KNTC1: variants seen among roughly 807,000 people sequenced by gnomAD.
The protein encoded by KNTC1 is kinetochore-associated protein 1.
In KNTC1, 253 loss-of-function variants were observed where a neutral mutation model predicts 314.4. The observed-to-expected ratio is 0.80, with a 90% confidence interval of 0.73 to 0.89. The LOEUF (loss-of-function observed/expected upper bound fraction) is 0.89. Among genes scored for constraint, KNTC1 ranks in the 40% least tolerant of loss-of-function variants. The pLI is 0.00. For missense variants in KNTC1, 2,475 were observed against 2,572.9 expected (o/e 0.96, Z 0.82); for synonymous variants, 901 against 901.4 (o/e 1.00, Z 0.01).
chr12:122,617,138 TA>T (rs1566020213), intron 57 of KNTC1, among the ~76,000 whole-genome samples: 1 of 152,236 alleles, frequency 6.6e-6, no homozygotes, highest in Non-Finnish European at 1.5e-5. Flanking sequence ...TTTGAGTTTC[TA>T]TTTTTGGTCA....
At chr12:122,544,844 A>G (rs1593502410) in intron 8 of KNTC1, among the ~76,000 whole-genome samples, 1 of 152,224 alleles carries the variant, frequency 6.6e-6, no homozygotes, top group East Asian at 1.9e-4. Context: ...GAATCTTGAA[A>G]TAATTCAGGT....
intron 32 of KNTC1, 69 bp from the exon 33 acceptor site, chr12:122,580,534 C>G (rs1965340226): frequency 3.1e-6 from 3 of 971,522 alleles, no homozygotes; most frequent in Non-Finnish European, 4.7e-6. Flanking sequence ...ATTAAAATTT[C>G]TTCTTTTTAA....
At chr12:122,619,471 GGCGCCATCTCGGCTCACTGTAAGC>G (rs1874167933) in intron 59 of KNTC1, among the ~76,000 whole-genome samples, 5 of 151,874 alleles carry the variant, frequency 3.3e-5, no homozygotes, top group Non-Finnish European at 5.9e-5. Flanking sequence ...GGAGTGCAGT[GGCGCCATCTCGGCTCACTGTAAGC>G]CCTGCTTCCC....
At chr12:122,602,455 G>C (rs1269710680) in intron 45 of KNTC1, 114 bp from the exon 46 acceptor site, 10 of 636,408 alleles carry the variant, frequency 1.6e-5, no homozygotes. Flanking sequence ...TCCTCTTTCT[G>C]AAAACAAGAT....
At chr12:122,620,168 CAAA>C (rs10719316) in intron 59 of KNTC1, 190 of 99,336 alleles carry the variant, frequency 1.9e-3, no homozygotes, top group South Asian at 5.2e-3. Context: ...GACTGTTTCT[CAAA>C]AAAAAAAAAA....
At position 122,530,081 on chromosome 12, in the gene KNTC1, G is replaced by A. The variant is rs574708956; in HGVS notation, c.18G>A (p.Glu6=). ...TCAGAAACATGTGGAATGATATTGAGCTGCTAACAAATGATGATACCGGAA... is the reference window on the plus strand; with the variant it reads ...TCAGAAACATGTGGAATGATATTGAACTGCTAACAAATGATGATACCGGAA... MWNDI[E]LLTNDDTGSG... Residue 6 remains glutamate (E), a synonymous_variant, in exon 2 of 64, where the codon GAG becomes GAA. Coordinates refer to ENST00000333479, the MANE Select transcript of KNTC1 (RefSeq NM_014708.6). The A allele has an allele frequency of 2.9e-5, 47 of 1,613,756 alleles. 1 individual carries two copies. The South Asian group carries it at 4.4e-4, about 15-fold the overall frequency.
rs1429831632 is a variant in KNTC1 at position 122,575,836 on chromosome 12, G to C, written c.2523G>C (p.Glu841Asp). ...KLLQESYKLM[E>D]MKKLLRGYGI... is the part of the protein sequence containing the mutation. ...TACAGGAAAGTTACAAACTAATGGA[G>C]ATGAAAAAACTTTTACGAGGCTATG... The change falls in exon 29 of 64, where the codon GAG becomes GAC. Residue 841 changes from glutamate (E) to aspartate (D), a missense_variant. Physicochemically the swap from Glu to Asp is conservative, Grantham distance 45. Coordinates refer to ENST00000333479, the MANE Select transcript of KNTC1 (RefSeq NM_014708.6). The C allele has an allele frequency of 6.2e-7, 1 of 1,613,240 alleles. No homozygotes were observed. The highest frequency in any genetic ancestry group is 1.1e-5 in the South Asian group (1 of 90,846).
intron 38 of KNTC1, among the ~76,000 whole-genome samples, chr12:122,587,265 G>C (rs1869486887): frequency 6.6e-6 from 1 of 152,126 alleles, no homozygotes; most frequent in African/African-American, 2.4e-5. Flanking sequence ...GGCAACAGAA[G>C]ACCCTATCTC....
chr12:122,583,306 A>T (rs1023175632), intron 34 of KNTC1, among the ~76,000 whole-genome samples: 3 of 152,116 alleles, frequency 2.0e-5, no homozygotes, highest in African/African-American at 7.2e-5. Context: ...AAAAAGAAAG[A>T]AAGTAACAAC....
At position 122,552,911 on chromosome 12, in the gene KNTC1, G is replaced by T. The variant is rs1297555148; in HGVS notation, c.1272+1215G>T. Among the ~76,000 whole-genome samples, 8 of 152,250 alleles carry T rather than the reference G, an allele frequency of 5.3e-5. No individual in the cohort carries two copies. In the East Asian group the frequency reaches 1.4e-3, roughly 26 times the overall value. On this transcript the variant is annotated intron_variant, in intron 16 of 63. Coordinates refer to ENST00000333479, the MANE Select transcript of KNTC1 (RefSeq NM_014708.6). ...CTCACTCCTTTAATTCCAGCACTTTGGGAGACAGAGACAGGCAGATAACCT... is the reference window on the plus strand; with the variant it reads ...CTCACTCCTTTAATTCCAGCACTTTTGGAGACAGAGACAGGCAGATAACCT...
intron 13 of KNTC1, 135 bp downstream of exon 13, chr12:122,549,999 G>A: frequency 5.5e-6 from 3 of 545,388 alleles, no homozygotes; most frequent in Non-Finnish European, 6.5e-6. Context: ...ATAAATTTCA[G>A]GTTTATAACT....
intron 10 of KNTC1, among the ~76,000 whole-genome samples, 185 bp from the exon 11 acceptor site, chr12:122,547,230 C>G (rs987476923): frequency 6.6e-6 from 1 of 151,716 alleles, no homozygotes; most frequent in Admixed American, 6.6e-5. Flanking sequence ...AAAAAATTAG[C>G]TGGGCGTGGT....
In KNTC1 at chr12:122,557,698, G is replaced by GT. The variant is rs751913953; in HGVS notation, c.1488+16dup. The GT allele has an allele frequency of 3.9e-5, 63 of 1,604,784 alleles. 1 individual carries two copies. Among genetic ancestry groups the GT allele is most frequent in the African/African-American group, 1.1e-4 (8 of 74,674 alleles). On this transcript the variant is annotated intron_variant, in intron 18 of 63. Transcript: ENST00000333479. ...ATTATGCCAAAACCAGGGTAGGTTC[G>GT]TTTTTTTGTATTTTGTTTTTTTGGG... is the stretch of plus-strand genomic sequence containing the variant.
chr12:122,572,958 G>C lies in KNTC1; in HGVS notation c.2041G>C (p.Glu681Gln), dbSNP rs754835336. 3 of 1,593,344 alleles carry C rather than the reference G, an allele frequency of 1.9e-6. No individual in the cohort carries two copies. The East Asian group carries it at 6.7e-5, about 36-fold the overall frequency. The stretch of plus-strand genomic sequence containing the variant: ...TTAGAAAGATTATCAGAACACAGAG[G>C]AAGTATGTCAGCTAAGGACTTTGGT... ...ISLKDYQNTE[E>Q]VCQLRTLVNN... Residue 681 changes from glutamate to glutamine, a missense_variant, in exon 25 of 64, where the codon GAA (glutamate) becomes CAA (glutamine). Transcript: ENST00000333479.
At chr12:122,562,816 C>T (rs777436808) in intron 20 of KNTC1, 117 bp downstream of exon 20, 9 of 611,516 alleles carry the variant, frequency 1.5e-5, no homozygotes, top group Non-Finnish European at 2.4e-5. Context: ...TCGAGACCAG[C>T]CTGGCCAACA....
chr12:122,546,304 A>G (rs1416732252), intron 9 of KNTC1, 35 bp downstream of exon 9: 2 of 1,259,294 alleles, frequency 1.6e-6, no homozygotes, highest in East Asian at 2.3e-5. Flanking sequence ...TTAGACAATT[A>G]TTAGTGAGTT....
intron 5 of KNTC1, 89 bp from the exon 6 acceptor site, chr12:122,541,961 G>T: frequency 7.7e-7 from 1 of 1,300,222 alleles, no homozygotes; most frequent in Non-Finnish European, 1.0e-6. Flanking sequence ...GTTGCAGGGA[G>T]CCGAGATCGC....
chr12:122,561,895 C>A (rs1298775527), intron 18 of KNTC1, 26 bp from the exon 19 acceptor site: 14 of 1,522,984 alleles, frequency 9.2e-6, no homozygotes, highest in Non-Finnish European at 1.2e-5. Flanking sequence ...ATTCTTCTAA[C>A]TGTATTTCTT....
chr12:122,543,360 G>A (rs1286988599), intron 6 of KNTC1, among the ~76,000 whole-genome samples: 1 of 152,254 alleles, frequency 6.6e-6, no homozygotes, highest in Non-Finnish European at 1.5e-5. Context: ...GAGAGTTGGA[G>A]TAGGGAGAAG....
Sources: gnomAD v4.1 joint callset for allele counts (sites outside exome capture counted in the v4.1 genomes callset) on GRCh38, gnomAD v4.1.1 for gene constraint, MANE v1.5 for transcripts, NCBI Gene and HGNC (gene_info 2026-07-23, HGNC 2026-07-21) for gene names.